ATP13A5: variants seen among roughly 807,000 people sequenced by gnomAD.
The protein encoded by ATP13A5 is probable cation-transporting ATPase 13A5.
Under a neutral mutation model 150.2 loss-of-function variants are expected in ATP13A5, and 149 were observed. The ratio of observed to expected loss-of-function variants is 0.99; its 90% CI spans 0.87 to 1.14. The LOEUF is 1.14. Ranked by LOEUF, ATP13A5 falls within the 50% of genes most tolerant of loss-of-function variation. The probability of loss-of-function intolerance (pLI) is 0.00; values close to 1 mark genes in which losing one functional copy is unlikely to be tolerated. For missense variants in ATP13A5, 1,383 were observed against 1,449.3 expected, an observed-to-expected ratio of 0.95 and a Z score of 0.74; for synonymous variants, 497 against 522.2, an observed-to-expected ratio of 0.95 and a Z score of 0.66.
chr3:193,321,974 T>A, intron 15 of ATP13A5, 137 bp from the exon 16 acceptor site: 2 of 979,178 alleles, frequency 2.0e-6, no homozygotes, highest in Non-Finnish European at 2.9e-6. Context: ...ATTGATTTTG[T>A]GTGTGTGTGT....
intron 9 of ATP13A5, among the ~76,000 whole-genome samples, chr3:193,337,423 A>G (rs1018987709): frequency 3.9e-5 from 6 of 152,192 alleles, no homozygotes; most frequent in African/African-American, 1.4e-4. Flanking sequence ...TATAAGGTGT[A>G]AGGAAGGGAT....
intron 27 of ATP13A5, chr3:193,281,287 A>G: frequency 1.3e-6 from 1 of 777,018 alleles, no homozygotes; most frequent in Non-Finnish European, 1.6e-6. Context: ...ACTGGGGCTG[A>G]GTGGGGTGCA....
intron 13 of ATP13A5, 101 bp from the exon 14 acceptor site, chr3:193,325,115 C>T: frequency 8.5e-7 from 1 of 1,178,444 alleles, no homozygotes; most frequent in South Asian, 1.5e-5. Context: ...AACGTTCATG[C>T]TCAGAACCTT....
Position 193,296,530 on chromosome 3 carries a change from T to C in ATP13A5, c.2848+2601A>G, listed in dbSNP as rs1195777269. Among the ~76,000 whole-genome samples the C allele has an allele frequency of 2.6e-5, 4 of 152,156 alleles. No individual in the cohort carries two copies. In the East Asian group the frequency reaches 7.7e-4, roughly 29 times the overall value. On this transcript the variant is annotated intron_variant, in intron 25 of 29. Transcript: ENST00000342358. ...TCTTATTTCTGAGTTCTCTATTCTGTTCCACTGGTCTCTGTGTCTGTTTTT... is the reference window on the plus strand; with the variant it reads ...TCTTATTTCTGAGTTCTCTATTCTGCTCCACTGGTCTCTGTGTCTGTTTTT...
chr3:193,340,024 C>T (rs537194474), intron 9 of ATP13A5, among the ~76,000 whole-genome samples: 1 of 152,276 alleles, frequency 6.6e-6, no homozygotes, highest in South Asian at 2.1e-4. Flanking sequence ...TAAGAAGCCT[C>T]ATGTTTTGGC....
intron 12 of ATP13A5, among the ~76,000 whole-genome samples, chr3:193,327,555 G>A (rs1016365466): frequency 3.3e-5 from 5 of 152,268 alleles, no homozygotes; most frequent in African/African-American, 4.8e-5. Context: ...TGTTGATAAA[G>A]GGCTTTGAGA....
At chr3:193,353,579 C>T (rs551033527) in intron 6 of ATP13A5, among the ~76,000 whole-genome samples, 7 of 152,178 alleles carry the variant, frequency 4.6e-5, no homozygotes, top group African/African-American at 1.4e-4. Flanking sequence ...AGATGGGTCC[C>T]TTGGGAGGCA....
intron 1 of ATP13A5, among the ~76,000 whole-genome samples, chr3:193,367,667 T>C (rs1452584818): frequency 6.6e-6 from 1 of 152,130 alleles, no homozygotes; most frequent in Non-Finnish European, 1.5e-5. Flanking sequence ...TGCAAGGATT[T>C]AAAAATCAGT....
chr3:193,311,735 C>T (rs958405109), intron 20 of ATP13A5, 81 bp downstream of exon 20: 7 of 1,557,612 alleles, frequency 4.5e-6, no homozygotes, highest in Non-Finnish European at 6.1e-6. Flanking sequence ...CCTCAGTGAT[C>T]ACTGTTTTCA....
chr3:193,364,630 TTATGTTTAAAATACCTAA>T (rs1023659484), intron 1 of ATP13A5, among the ~76,000 whole-genome samples: 1 of 152,104 alleles, frequency 6.6e-6, no homozygotes, highest in African/African-American at 2.4e-5. Flanking sequence ...TTAAACATTG[TTATGTTTAAAATACCTAA>T]TATTTTAAAA....
At chr3:193,297,560 T>C (rs1240779749) in intron 25 of ATP13A5, among the ~76,000 whole-genome samples, 1 of 152,080 alleles carries the variant, frequency 6.6e-6, no homozygotes, top group Admixed American at 6.6e-5. Context: ...TACAGTCTGC[T>C]GAGTAATAAT....
At chr3:193,326,781 C>T (rs73074753) in intron 13 of ATP13A5, among the ~76,000 whole-genome samples, 17,009 of 152,232 alleles carry the variant, frequency 0.11, 1,524 homozygotes, top group African/African-American at 0.25. Flanking sequence ...CCTCATCCTA[C>T]TCCATTTTTC....
intron 8 of ATP13A5, 30 bp from the exon 9 acceptor site, chr3:193,344,085 C>A: frequency 6.2e-7 from 1 of 1,604,678 alleles, no homozygotes. Flanking sequence ...CCATGAATAG[C>A]TGACCTTTTC....
intron 27 of ATP13A5, among the ~76,000 whole-genome samples, chr3:193,283,044 CA>C (rs1476533448): frequency 6.6e-6 from 1 of 151,544 alleles, no homozygotes; most frequent in Non-Finnish European, 1.5e-5. Context: ...TATTTAAAAA[CA>C]AAAAAGATAG....
At chr3:193,300,258 C>T (rs535243123) in intron 24 of ATP13A5, among the ~76,000 whole-genome samples, 6 of 152,160 alleles carry the variant, frequency 3.9e-5, no homozygotes, top group South Asian at 2.1e-4. Flanking sequence ...AATTTCCAAC[C>T]GCAGCTTTAG....
intron 12 of ATP13A5, among the ~76,000 whole-genome samples, chr3:193,328,280 T>C (rs57703463): frequency 0.15 from 23,356 of 152,236 alleles, 2,127 homozygotes; most frequent in East Asian, 0.29. Flanking sequence ...AAGAAAACTT[T>C]GTTTCATTCA....
intron 23 of ATP13A5, among the ~76,000 whole-genome samples, chr3:193,301,889 A>G (rs1201677483): frequency 1.3e-5 from 2 of 152,208 alleles, no homozygotes; most frequent in African/African-American, 2.4e-5. Context: ...TGAGTGGGCC[A>G]TAAAGATCAA....
At chr3:193,335,228 T>A in intron 9 of ATP13A5, 129 bp from the exon 10 acceptor site, 1 of 768,568 alleles carries the variant, frequency 1.3e-6, no homozygotes, top group South Asian at 1.8e-5. Flanking sequence ...ATGAGTCAGA[T>A]GACTGTTCAT....
chr3:193,319,005 G>C lies in ATP13A5; in HGVS notation c.2019C>G (p.Val673=), dbSNP rs6788770. 1,348,637 of 1,612,092 alleles carry C rather than the reference G, an allele frequency of 0.84. 565,677 individuals are homozygous for C. The highest frequency in any genetic ancestry group is 0.98 in the East Asian group (43,851 of 44,860). Reference sequence around the variant, plus strand: ...GAATTGCTTACCTGGCTAAGTGCTCGACTTCTGAAAGATTCCCCATCTTTA... The same window carrying C: ...GAATTGCTTACCTGGCTAAGTGCTCCACTTCTGAAAGATTCCCCATCTTTA... The part of the protein sequence containing the change: ...KTLKMGNLSE[V]EHLAREKVES... Residue 673 remains valine (V), a synonymous_variant, in exon 17 of 30, where the codon GTC becomes GTG. Transcript: ENST00000342358.
Sources: allele counts gnomAD v4.1 joint callset (sites outside exome capture counted in the v4.1 genomes callset), GRCh38; gene constraint gnomAD v4.1.1; transcripts MANE v1.5; gene names NCBI Gene and HGNC (gene_info 2026-07-23, HGNC 2026-07-21).